The following POU6F2 variants were observed in gnomAD, a reference collection of about 807,000 sequenced individuals.
POU6F2 encodes POU class 6 homeobox 2.
Under a neutral mutation model 71.3 loss-of-function variants are expected in POU6F2, and 31 were observed. The observed-to-expected ratio is 0.43, with a 90% CI of 0.33 to 0.59. POU6F2 has a LOEUF of 0.59. Ranked by LOEUF, POU6F2 falls within the 20% of genes least tolerant of loss-of-function variation. The pLI is 0.04. For missense variants in POU6F2, 783 were observed against 856.8 expected (o/e 0.91, Z 1.07); for synonymous variants, 347 against 355.7 (o/e 0.98, Z 0.27).
chr7:39,081,065 T>C (rs749465066), intron 1 of POU6F2, among the ~76,000 whole-genome samples: 6 of 152,192 alleles, frequency 3.9e-5, no homozygotes, highest in Non-Finnish European at 5.9e-5. Flanking sequence ...ATTTAAAAAT[T>C]ATATGAAAGT....
chr7:39,055,863 G>A (rs1444414146), intron 1 of POU6F2, among the ~76,000 whole-genome samples: 1 of 151,730 alleles, frequency 6.6e-6, no homozygotes, highest in Non-Finnish European at 1.5e-5. Context: ...TCTGGGATGG[G>A]GTGAGGCTTT....
At chr7:39,240,847 A>G (rs1414313451) in intron 4 of POU6F2, among the ~76,000 whole-genome samples, 1 of 152,170 alleles carries the variant, frequency 6.6e-6, no homozygotes, top group Non-Finnish European at 1.5e-5. Context: ...TCGCAGCTCA[A>G]AATTATTTAC....
At chr7:39,045,012 T>C (rs1035046474) in intron 1 of POU6F2, among the ~76,000 whole-genome samples, 1 of 151,940 alleles carries the variant, frequency 6.6e-6, no homozygotes, top group Admixed American at 6.6e-5. Flanking sequence ...GCAATGCTTC[T>C]TGTGAAAACA....
intron 2 of POU6F2, among the ~76,000 whole-genome samples, chr7:39,091,118 A>G (rs1791356570): frequency 1.3e-5 from 2 of 152,208 alleles, no homozygotes. Context: ...ATTGATAAAT[A>G]AATCCACTTT....
chr7:38,980,680 C>G (rs192150549), intron 1 of POU6F2, among the ~76,000 whole-genome samples: 3 of 151,910 alleles, frequency 2.0e-5, no homozygotes, highest in Non-Finnish European at 4.4e-5. Context: ...TGCTCAAATA[C>G]GTTTTGGAAT....
intron 2 of POU6F2, among the ~76,000 whole-genome samples, chr7:39,182,627 A>T (rs1363848593): frequency 6.6e-6 from 1 of 152,082 alleles, no homozygotes; most frequent in African/African-American, 2.4e-5. Flanking sequence ...AACTCTCTGG[A>T]TTCTTATCTC....
chr7:39,271,659 G>A (rs547057476), intron 4 of POU6F2, among the ~76,000 whole-genome samples: 7 of 152,212 alleles, frequency 4.6e-5, no homozygotes, highest in South Asian at 4.1e-4. Flanking sequence ...CAAAATTCCC[G>A]TCTCGTGGCT....
chr7:39,257,502 C>T (rs1784048460), intron 4 of POU6F2, among the ~76,000 whole-genome samples: 1 of 152,004 alleles, frequency 6.6e-6, no homozygotes, highest in Non-Finnish European at 1.5e-5. Context: ...GAAACAAAAG[C>T]TTTAAGCCGC....
intron 5 of POU6F2, among the ~76,000 whole-genome samples, chr7:39,367,156 C>T (rs1421623298): frequency 6.6e-6 from 1 of 152,148 alleles, no homozygotes; most frequent in Non-Finnish European, 1.5e-5. Flanking sequence ...AATTAATCTT[C>T]ATTAATTTAA....
chr7:39,349,302 T>A (rs766145173), intron 5 of POU6F2, among the ~76,000 whole-genome samples: 4 of 152,154 alleles, frequency 2.6e-5, no homozygotes, highest in Non-Finnish European at 5.9e-5. Flanking sequence ...CTCTTCCAGA[T>A]AGTCCTCCCT....
chr7:38,987,437 G>A (rs1408204704), intron 1 of POU6F2, among the ~76,000 whole-genome samples: 1 of 152,108 alleles, frequency 6.6e-6, no homozygotes, highest in Non-Finnish European at 1.5e-5. Context: ...TGACATAGAT[G>A]TATGTTTCCA....
intron 9 of POU6F2, among the ~76,000 whole-genome samples, chr7:39,461,614 C>T (rs1421576204): frequency 2.0e-5 from 3 of 152,124 alleles, no homozygotes; most frequent in Admixed American, 6.5e-5. Flanking sequence ...TTAATGTATT[C>T]CCCAAAGGAC....
At chr7:39,152,073 C>T (rs1792772213) in intron 2 of POU6F2, among the ~76,000 whole-genome samples, 1 of 152,144 alleles carries the variant, frequency 6.6e-6, no homozygotes, top group Non-Finnish European at 1.5e-5. Flanking sequence ...CTTGTATACT[C>T]ATGCAGTGTT....
intron 6 of POU6F2, among the ~76,000 whole-genome samples, chr7:39,427,755 T>C (rs1788006430): frequency 1.3e-5 from 2 of 152,208 alleles, no homozygotes; most frequent in Admixed American, 6.5e-5. Context: ...TTTTCTTACG[T>C]ATATGGGCAA....
intron 2 of POU6F2, among the ~76,000 whole-genome samples, chr7:39,166,147 C>A (rs1299467497): frequency 6.6e-6 from 1 of 152,194 alleles, no homozygotes; most frequent in Non-Finnish European, 1.5e-5. Context: ...CAAGATATTT[C>A]ACCAATAGTG....
intron 1 of POU6F2, among the ~76,000 whole-genome samples, chr7:39,005,802 A>G (rs1789048527): frequency 1.3e-5 from 2 of 152,252 alleles, no homozygotes; most frequent in African/African-American, 4.8e-5. Context: ...TTTATCTTCT[A>G]AAGGATCTAA....
At chr7:39,301,823 C>A (rs1210854643) in intron 4 of POU6F2, among the ~76,000 whole-genome samples, 1 of 152,166 alleles carries the variant, frequency 6.6e-6, no homozygotes, top group Non-Finnish European at 1.5e-5. Context: ...ATGGAGCCAC[C>A]AGTAGCCTAT....
At chr7:39,385,894 C>G (rs1212453342) in intron 5 of POU6F2, among the ~76,000 whole-genome samples, 1 of 152,084 alleles carries the variant, frequency 6.6e-6, no homozygotes, top group African/African-American at 2.4e-5. Context: ...TAGGGCAGAT[C>G]ACAAGGTCAG....
chr7:39,351,919 T>A (rs1786146567), intron 5 of POU6F2, among the ~76,000 whole-genome samples: 1 of 151,928 alleles, frequency 6.6e-6, no homozygotes, highest in Non-Finnish European at 1.5e-5. Context: ...ATGGTGGGAG[T>A]TTCCTCCTTC....
Sources: allele counts gnomAD v4.1 joint callset (sites outside exome capture counted in the v4.1 genomes callset), GRCh38; gene constraint gnomAD v4.1.1; transcripts MANE v1.5; gene names NCBI Gene and HGNC (gene_info 2026-07-23, HGNC 2026-07-21).